The following CTNNA2 variants were observed in gnomAD, a reference collection of about 807,000 sequenced individuals.
CTNNA2 encodes the protein catenin alpha-2.
CTNNA2 carries 42 observed loss-of-function variants against 101.0 expected under a neutral mutation model. That is an observed-to-expected ratio of 0.42 (90% confidence interval 0.32 to 0.54). The LOEUF (loss-of-function observed/expected upper bound fraction) is 0.54. Among genes scored for constraint, CTNNA2 ranks in the 20% least tolerant of loss-of-function variants. The pLI is 0.14. For missense variants in CTNNA2, 871 were observed against 1,223.1 expected, an observed-to-expected ratio of 0.71 and a Z score of 4.29; for synonymous variants, 450 against 456.4, an observed-to-expected ratio of 0.99 and a Z score of 0.18.
At chr2:79,960,936 T>C (rs1256896638) in intron 7 of CTNNA2, among the ~76,000 whole-genome samples, 1 of 152,186 alleles carries the variant, frequency 6.6e-6, no homozygotes, top group Non-Finnish European at 1.5e-5. Context: ...AATCACTGGG[T>C]GATACAGTGA....
rs529522389 is a variant in CTNNA2, at chr2:79,899,175, G to GTT, written c.853-10412_853-10411dup. Among the ~76,000 whole-genome samples, 100 of 151,748 alleles carry GTT rather than the reference G, an allele frequency of 6.6e-4. 2 individuals are homozygous for GTT. Among genetic ancestry groups the GTT allele is most frequent in the South Asian group, 4.0e-3 (19 of 4,788 alleles). On this transcript the variant is annotated intron_variant, in intron 6 of 18. Coordinates refer to ENST00000402739, the MANE Select transcript of CTNNA2 (RefSeq NM_001282597.3). ...CCAGGAGACTAGAGATAACATGACT[G>GTT]TTTTTTTTCAGGAAAAGAATAAAAT...
chr2:79,243,196 G>A (rs1367359067), intron 2 of CTNNA2, among the ~76,000 whole-genome samples: 1 of 151,994 alleles, frequency 6.6e-6, no homozygotes, highest in East Asian at 1.9e-4. Flanking sequence ...TCCAGTCAGG[G>A]AAGCTGACTG....
At chr2:80,066,285 A>G (rs570530484) in intron 7 of CTNNA2, among the ~76,000 whole-genome samples, 1 of 152,366 alleles carries the variant, frequency 6.6e-6, no homozygotes, top group South Asian at 2.1e-4. Flanking sequence ...GAGACAACCT[A>G]TGAAATGCGA....
At chr2:79,516,846 T>C (rs536974022) in intron 1 of CTNNA2, among the ~76,000 whole-genome samples, 3 of 152,202 alleles carry the variant, frequency 2.0e-5, no homozygotes, top group South Asian at 4.1e-4. Flanking sequence ...TCATTTTTCC[T>C]TATCCCATGA....
Position 80,330,373 on chromosome 2 carries a change from A to G in CTNNA2, c.1057-62838A>G, listed in dbSNP as rs142916910. Among the ~76,000 whole-genome samples, 349 of 152,366 alleles carry G rather than the reference A, an allele frequency of 2.3e-3. 2 individuals carry two copies. Among genetic ancestry groups the G allele is most frequent in the African/African-American group, 7.6e-3 (318 of 41,598 alleles). On this transcript the variant is annotated intron_variant, in intron 7 of 18. Transcript: ENST00000402739. ...CCCACAGATAACTTGTACTTAGCTA[A>G]GAGACTACTTCTAGTGGGAGAGATT...
At chr2:79,354,653 ACT>A (rs1677466198) in intron 3 of CTNNA2, among the ~76,000 whole-genome samples, 3 of 151,614 alleles carry the variant, frequency 2.0e-5, no homozygotes, top group Non-Finnish European at 2.9e-5. Context: ...GTCTCTACCT[ACT>A]CTCTGGGAGG....
chr2:80,639,464 C>T (rs1040538015), intron 18 of CTNNA2, among the ~76,000 whole-genome samples: 1 of 151,588 alleles, frequency 6.6e-6, no homozygotes, highest in Non-Finnish European at 1.5e-5. Flanking sequence ...CCCACCTCGG[C>T]CTCCTAAAAT....
At chr2:79,484,797 C>T (rs552574741) in intron 4 of CTNNA2, among the ~76,000 whole-genome samples, 1 of 152,128 alleles carries the variant, frequency 6.6e-6, no homozygotes, top group Non-Finnish European at 1.5e-5. Flanking sequence ...CTTTCCTGTC[C>T]TCACTCCTCT....
intron 4 of CTNNA2, among the ~76,000 whole-genome samples, chr2:79,403,253 A>C (rs1215848992): frequency 6.6e-6 from 1 of 151,916 alleles, no homozygotes; most frequent in African/African-American, 2.4e-5. Context: ...GTTTATATTA[A>C]ACAAATTACA....
intron 9 of CTNNA2, among the ~76,000 whole-genome samples, chr2:80,437,464 A>G (rs1475984588): frequency 6.6e-6 from 1 of 152,204 alleles, no homozygotes; most frequent in Non-Finnish European, 1.5e-5. Context: ...CAAAAAATGG[A>G]TACATTGTCA....
At chr2:80,593,312 G>A (rs181297882) in intron 15 of CTNNA2, among the ~76,000 whole-genome samples, 5 of 152,112 alleles carry the variant, frequency 3.3e-5, no homozygotes, top group Non-Finnish European at 7.4e-5. Context: ...AACTTCTGAC[G>A]CTTTCATGGA....
At chr2:80,540,151 T>C (rs942601817) in intron 9 of CTNNA2, among the ~76,000 whole-genome samples, 1 of 152,198 alleles carries the variant, frequency 6.6e-6, no homozygotes, top group Non-Finnish European at 1.5e-5. Context: ...CCACCATTCC[T>C]TTCCTCCTCC....
At chr2:79,273,557 C>T (rs1162162768) in intron 2 of CTNNA2, among the ~76,000 whole-genome samples, 1 of 152,036 alleles carries the variant, frequency 6.6e-6, no homozygotes, top group African/African-American at 2.4e-5. Context: ...TCCTAGAAAA[C>T]ATAGCATTCC....
intron 2 of CTNNA2, among the ~76,000 whole-genome samples, chr2:79,242,188 G>C (rs1031741784): frequency 6.6e-6 from 1 of 152,080 alleles, no homozygotes; most frequent in Non-Finnish European, 1.5e-5. Flanking sequence ...TTATAGGCTT[G>C]AGCCACCGCG....
chr2:79,466,973 TC>T (rs1453254341), intron 4 of CTNNA2, among the ~76,000 whole-genome samples: 4 of 152,006 alleles, frequency 2.6e-5, no homozygotes, highest in Admixed American at 2.0e-4. Flanking sequence ...AGAGCGCCTC[TC>T]CCCCTCCAAA....
At chr2:79,554,233 T>G (rs1361774126) in intron 1 of CTNNA2, among the ~76,000 whole-genome samples, 1 of 152,030 alleles carries the variant, frequency 6.6e-6, no homozygotes, top group Non-Finnish European at 1.5e-5. Flanking sequence ...CACAAATCTG[T>G]ATTTGAAAGA....
chr2:80,413,340 T>A (rs1679758099), intron 8 of CTNNA2, among the ~76,000 whole-genome samples: 1 of 152,204 alleles, frequency 6.6e-6, no homozygotes, highest in African/African-American at 2.4e-5. Flanking sequence ...TTAAAATGAT[T>A]TTGCTTCATG....
intron 4 of CTNNA2, among the ~76,000 whole-genome samples, chr2:79,472,809 T>C (rs1224023153): frequency 2.6e-5 from 4 of 152,204 alleles, no homozygotes; most frequent in African/African-American, 9.6e-5. Context: ...AAGTCACTTT[T>C]CTCTTCTCTC....
At position 80,281,593 on chromosome 2, in the gene CTNNA2, G is replaced by T. The variant is rs1674384019; in HGVS notation, c.1057-111618G>T. On this transcript the variant is annotated intron_variant, in intron 7 of 18. Coordinates refer to ENST00000402739, the MANE Select transcript of CTNNA2 (RefSeq NM_001282597.3). Reference sequence around the variant, plus strand: ...ATTCCCTCTCTATTTAGGGCCCTTGGTTCTTACTTTTTTTTCCCTTCATTA... The same window carrying T: ...ATTCCCTCTCTATTTAGGGCCCTTGTTTCTTACTTTTTTTTCCCTTCATTA... Among the ~76,000 whole-genome samples, 3 of 151,882 alleles carry T rather than the reference G, an allele frequency of 2.0e-5. No individual in the cohort carries two copies. The South Asian group carries it at 6.2e-4, about 32-fold the overall frequency.
Sources: gnomAD v4.1 joint callset for allele counts (sites outside exome capture counted in the v4.1 genomes callset) on GRCh38, gnomAD v4.1.1 for gene constraint, MANE v1.5 for transcripts, NCBI Gene and HGNC (gene_info 2026-07-23, HGNC 2026-07-21) for gene names.